PCDHGB6: variants seen among roughly 807,000 people sequenced by gnomAD.
The protein encoded by PCDHGB6 is protocadherin gamma-B6.
A neutral mutation model predicts 59.1 loss-of-function variants in PCDHGB6; 51 were observed. The ratio of observed to expected loss-of-function variants is 0.86; its 90% CI spans 0.69 to 1.09. PCDHGB6 has a LOEUF of 1.09. Ranked by LOEUF, PCDHGB6 falls within the 50% of genes least tolerant of loss-of-function variation. The pLI, the probability that PCDHGB6 is intolerant of heterozygous loss-of-function variation, is 0.00. For synonymous variants in PCDHGB6, 466 were observed against 495.1 expected (o/e 0.94, Z 0.78); for missense variants, 1,148 against 1,205.1 (o/e 0.95, Z 0.70).
At chr5:141,494,223 C>T (rs1435042163) in intron 1 of PCDHGB6, among the ~76,000 whole-genome samples, 2 of 152,192 alleles carry the variant, frequency 1.3e-5, no homozygotes, top group African/African-American at 4.8e-5. Context: ...TGGCATGACT[C>T]CTAAATTAAT....
chr5:141,454,675 G>A (rs973403044), intron 1 of PCDHGB6, among the ~76,000 whole-genome samples: 8 of 151,764 alleles, frequency 5.3e-5, no homozygotes, highest in Non-Finnish European at 1.0e-4. Context: ...CAAAACACTG[G>A]GATTACAGGC....
chr5:141,495,005 C>CG (rs2099758180), intron 2 of PCDHGB6, 140 bp downstream of exon 2: 6 of 1,522,802 alleles, frequency 3.9e-6, no homozygotes, highest in Admixed American at 2.0e-5. Context: ...TCTTGGTGTG[C>CG]GGGGGGCTGG....
Position 141,426,915 on chromosome 5 carries a change from G to A in PCDHGB6, c.2418+16295G>A, listed in dbSNP as rs143411146. On this transcript the variant is annotated intron_variant, in intron 1 of 3. Coordinates refer to ENST00000520790, the MANE Select transcript of PCDHGB6 (RefSeq NM_018926.3). ...ACAGAGCTCTCATCTCCTGGTCCTG[G>A]AAGCAATGGACATGGGTGACCCAGT... 1,737 of 456,738 alleles carry A rather than the reference G, an allele frequency of 3.8e-3. 17 individuals carry two copies. Among genetic ancestry groups the A allele is most frequent in the Admixed American group, 0.01 (426 of 42,586 alleles). The allele number at this position is 456,738 out of a possible 1,614,324, so 28.3% of individuals were successfully genotyped here.
intron 1 of PCDHGB6, among the ~76,000 whole-genome samples, chr5:141,447,162 G>A (rs1213550616): frequency 6.6e-6 from 1 of 151,700 alleles, no homozygotes; most frequent in African/African-American, 2.4e-5. Flanking sequence ...TTGTTTAAGC[G>A]GGGTCTTGCT....
At chr5:141,443,615 C>T (rs1430581477) in intron 1 of PCDHGB6, among the ~76,000 whole-genome samples, 3 of 152,198 alleles carry the variant, frequency 2.0e-5, no homozygotes, top group Non-Finnish European at 4.4e-5. Flanking sequence ...TTCTTATAAT[C>T]AGGTGATTGT....
At position 141,414,245 on chromosome 5, in the gene PCDHGB6, T is replaced by G. The variant is rs760119941; in HGVS notation, c.2418+3625T>G. On this transcript the variant is annotated intron_variant, in intron 1 of 3. Transcript: ENST00000520790. ...CCAGAGCTGACCATCACGTCTCTAT[T>G]TAGTCCAGTGACTGAAGATTCACCT... 49 of 1,613,380 alleles carry G rather than the reference T, an allele frequency of 3.0e-5. 1 individual carries two copies. The highest frequency in any genetic ancestry group is 1.3e-4 in the South Asian group (12 of 90,978).
intron 1 of PCDHGB6, chr5:141,420,092 G>A: frequency 1.2e-6 from 2 of 1,614,020 alleles, no homozygotes; most frequent in Non-Finnish European, 1.7e-6. Flanking sequence ...CAACTACAGT[G>A]AGGGAACGTT....
chr5:141,456,884 A>G (rs1448469695), intron 1 of PCDHGB6, among the ~76,000 whole-genome samples: 1 of 151,974 alleles, frequency 6.6e-6, no homozygotes, highest in East Asian at 1.9e-4. Flanking sequence ...AATCGCTTGA[A>G]CCCGGGAGGC....
chr5:141,430,471 T>TA (rs759564776), intron 1 of PCDHGB6: 176 of 234,152 alleles, frequency 7.5e-4, no homozygotes, highest in Non-Finnish European at 1.1e-3. Context: ...TGGAGCTATT[T>TA]AAGATATAAA....
At position 141,477,263 on chromosome 5, in the gene PCDHGB6, G is replaced by C. The variant is rs543767777; in HGVS notation, c.2419-17544G>C. ...CAGTGTGACTGACCTGGATGCTGGC[G>C]AGAACGGGCTGGTGACCTGCGAAGT... On this transcript the variant is annotated intron_variant, in intron 1 of 3. Coordinates refer to ENST00000520790, the MANE Select transcript of PCDHGB6 (RefSeq NM_018926.3). The surrounding 1 kb of genome is among the most constrained non-coding windows in gnomAD (Gnocchi z 4.9). The C allele has an allele frequency of 6.2e-7, 1 of 1,614,192 alleles. No individual in the cohort carries two copies. The highest frequency in any genetic ancestry group is 1.3e-5 in the African/African-American group (1 of 75,058).
intron 1 of PCDHGB6, among the ~76,000 whole-genome samples, chr5:141,484,211 G>A (rs1362875959): frequency 6.6e-6 from 1 of 152,158 alleles, no homozygotes; most frequent in Non-Finnish European, 1.5e-5. Context: ...ATGAACATTA[G>A]CATTCTGCCA....
In PCDHGB6 at chr5:141,409,415, G is replaced by C; in HGVS notation, c.1213G>C (p.Val405Leu). Residue 405 changes from valine (V) to leucine (L), a missense_variant, in exon 1 of 4, where the codon GTG becomes CTG. By Grantham distance (32) the Val-to-Leu change is conservative. Coordinates refer to ENST00000520790, the MANE Select transcript of PCDHGB6 (RefSeq NM_018926.3). Reference sequence around the variant, plus strand: ...TTCTTCCAATAACTACTACAAACTGGTGACAGATGGAGCCCTGGACCGAGA... The same window carrying C: ...TTCTTCCAATAACTACTACAAACTGCTGACAGATGGAGCCCTGGACCGAGA... ...YSSSNNYYKL[V>L]TDGALDREQT... 6.2e-7 allele frequency: 1 copy of C among 1,614,008 alleles called. No individual in the cohort carries two copies.
At chr5:141,447,284 C>A (rs979564320) in intron 1 of PCDHGB6, among the ~76,000 whole-genome samples, 1 of 152,124 alleles carries the variant, frequency 6.6e-6, no homozygotes, top group African/African-American at 2.4e-5. Context: ...GGACTACAGG[C>A]ACATGCCACC....
intron 1 of PCDHGB6, chr5:141,419,315 C>G (rs2096357855): frequency 1.2e-6 from 2 of 1,613,998 alleles, no homozygotes; most frequent in Non-Finnish European, 1.7e-6. Flanking sequence ...GCTCAACGGC[C>G]GTGTCTCCTA....
intron 1 of PCDHGB6, among the ~76,000 whole-genome samples, chr5:141,457,931 T>G (rs1335457669): frequency 6.6e-6 from 1 of 152,184 alleles, no homozygotes; most frequent in Non-Finnish European, 1.5e-5. Context: ...CCAAGGGGCT[T>G]TTATTGGCTC....
rs1215626157 is a variant in PCDHGB6, at chr5:141,487,804, GT to G, written c.2419-7000del. ...TCGTGAATTAACCAGAGTTGTCACAGTTTAGCATTGGGGGCGGGTCATGCCT... is the reference window on the plus strand; with the variant it reads ...TCGTGAATTAACCAGAGTTGTCACAGTTAGCATTGGGGGCGGGTCATGCCT... On this transcript the variant is annotated intron_variant, in intron 1 of 3. Transcript: ENST00000520790. The surrounding 1 kb of genome is among the most constrained non-coding windows in gnomAD (Gnocchi z 5.0). 15 of 1,451,846 alleles carry G rather than the reference GT, an allele frequency of 1.0e-5. No homozygotes were observed. The highest frequency in any genetic ancestry group is 1.3e-5 in the Non-Finnish European group (14 of 1,072,382). 89.9% of individuals were successfully genotyped at this position (1,451,846 alleles called of 1,614,324 possible).
intron 1 of PCDHGB6, chr5:141,428,021 C>T: frequency 1.2e-6 from 2 of 1,605,604 alleles, no homozygotes; most frequent in Non-Finnish European, 1.7e-6. Context: ...TGCCACGCGC[C>T]GCAGAGTCCG....
intron 1 of PCDHGB6, among the ~76,000 whole-genome samples, chr5:141,444,466 C>T (rs539222916): frequency 7.9e-5 from 12 of 152,100 alleles, no homozygotes; most frequent in East Asian, 1.9e-4. Context: ...TCACTGCGCC[C>T]GGTCGCGTAC....
At chr5:141,419,717 G>A (rs1159633605) in intron 1 of PCDHGB6, 3 of 1,613,236 alleles carry the variant, frequency 1.9e-6, no homozygotes, top group Non-Finnish European at 2.5e-6. Flanking sequence ...CTTCAGCCTG[G>A]GGCTGCGAAC....
Sources: gnomAD v4.1 joint callset for allele counts (sites outside exome capture counted in the v4.1 genomes callset) on GRCh38, gnomAD v4.1.1 for gene constraint, Gnocchi (gnomAD v3.1) non-coding constraint, MANE v1.5 for transcripts, NCBI Gene and HGNC (gene_info 2026-07-23, HGNC 2026-07-21) for gene names.